Variants in EVC2 observed in about 807,000 individuals in gnomAD.
EVC2 encodes limbin.
In EVC2, 148 loss-of-function variants were observed where a neutral mutation model predicts 149.3. That is an observed-to-expected ratio of 0.99 (90% CI 0.87 to 1.14). The LOEUF (loss-of-function observed/expected upper bound fraction) is 1.14, where lower values mean the gene tolerates loss of function less well. EVC2 is among the 50% of genes most tolerant of loss of function. The probability of loss-of-function intolerance (pLI) is 0.00; values close to 1 mark genes in which losing one functional copy is unlikely to be tolerated. For synonymous variants in EVC2, 776 were observed against 649.9 expected (o/e 1.19, Z -2.95); for missense variants, 1,854 against 1,627.3 (o/e 1.14, Z -2.40).
intron 4 of EVC2, among the ~76,000 whole-genome samples, chr4:5,690,707 C>T: frequency 6.6e-6 from 1 of 152,178 alleles, no homozygotes; most frequent in East Asian, 1.9e-4. Context: ...GGAGAGACAG[C>T]CGGAAGCTCA....
chr4:5,628,530 C>A, intron 12 of EVC2, 29 bp downstream of exon 12: 1 of 1,613,128 alleles, frequency 6.2e-7, no homozygotes, highest in South Asian at 1.1e-5. Flanking sequence ...TAAGACAGTT[C>A]GCACTGTTGG....
chr4:5,702,435 G>A (rs1721883818), intron 1 of EVC2, among the ~76,000 whole-genome samples: 1 of 152,178 alleles, frequency 6.6e-6, no homozygotes, highest in South Asian at 2.1e-4. Flanking sequence ...GCATCTAGAA[G>A]GCCCTCAATA....
rs765973029 is a variant in EVC2 at position 5,685,449 on chromosome 4, G to C, written c.737C>G (p.Ala246Gly). The C allele has an allele frequency of 1.7e-5, 27 of 1,614,080 alleles. No individual in the cohort carries two copies. The East Asian group carries it at 6.0e-4, about 36-fold the overall frequency. ...CCCGAGGTCTCCAGCCTGGAGCGTG[G>C]CTGCGTAGCTGACAGCAAAGGCATC... Reference protein sequence around the residue: ...VGDAFAVSYAATLQAGDLGNG... With the variant: ...VGDAFAVSYAGTLQAGDLGNG... The change falls in exon 6 of 22, where the codon GCC (alanine) becomes GGC (glycine). Residue 246 changes from alanine to glycine, a missense_variant. Coordinates refer to ENST00000344408, the MANE Select transcript of EVC2 (RefSeq NM_147127.5).
intron 4 of EVC2, among the ~76,000 whole-genome samples, chr4:5,689,737 T>C (rs889311844): frequency 1.3e-5 from 2 of 152,224 alleles, no homozygotes; most frequent in Non-Finnish European, 2.9e-5. Context: ...CCAGGGTCTC[T>C]GATGGTCATG....
chr4:5,612,571 A>G (rs1446345664), intron 16 of EVC2, among the ~76,000 whole-genome samples: 2 of 152,178 alleles, frequency 1.3e-5, no homozygotes, highest in Non-Finnish European at 2.9e-5. Context: ...AGCCTGCTGC[A>G]TGTATCTATG....
chr4:5,672,136 C>G (rs1719685697), intron 7 of EVC2, among the ~76,000 whole-genome samples: 1 of 152,028 alleles, frequency 6.6e-6, no homozygotes. Context: ...GCCTGGAGAA[C>G]TGGGGGAGGG....
chr4:5,618,743 T>G lies in EVC2; in HGVS notation c.2502-61A>C. 1 of 1,489,078 alleles carries G rather than the reference T, an allele frequency of 6.7e-7. No individual in the cohort carries two copies. The highest frequency in any genetic ancestry group is 9.2e-7 in the Non-Finnish European group (1 of 1,090,376). The allele number at this position is 1,489,078 out of a possible 1,614,324, so 92.2% of individuals were successfully genotyped here. On this transcript the variant is annotated intron_variant, in intron 14 of 21. Transcript: ENST00000344408. This position sits in a 1 kb window ranked among gnomAD's most constrained non-coding sequence, Gnocchi z 4.4. Reference sequence around the variant, plus strand: ...AGAAAGCCTGGGGGCTGGGCTGGGGTGAAGAAGCCAGAGATGCAAAGCTCA... The same window carrying G: ...AGAAAGCCTGGGGGCTGGGCTGGGGGGAAGAAGCCAGAGATGCAAAGCTCA...
At chr4:5,660,644 T>A (rs931834477) in intron 9 of EVC2, among the ~76,000 whole-genome samples, 2 of 152,238 alleles carry the variant, frequency 1.3e-5, no homozygotes, top group Non-Finnish European at 2.9e-5. Flanking sequence ...GGTCTGCTAA[T>A]CTGACCAGGG....
intron 21 of EVC2, among the ~76,000 whole-genome samples, chr4:5,546,350 G>A (rs1175089196): frequency 4.6e-5 from 7 of 152,172 alleles, no homozygotes; most frequent in South Asian, 4.1e-4. Context: ...TTAAGGAAAC[G>A]TGGCACATAT....
intron 20 of EVC2, among the ~76,000 whole-genome samples, chr4:5,568,057 A>T (rs1177639697): frequency 1.3e-5 from 2 of 152,262 alleles, no homozygotes; most frequent in Admixed American, 6.5e-5. Context: ...TGCACAACAC[A>T]CTCACACATT....
the EVC2 span, among the ~76,000 whole-genome samples, chr4:5,537,649 C>T: frequency 6.6e-6 from 1 of 152,152 alleles, no homozygotes; most frequent in Admixed American, 6.5e-5. Context: ...CAGCCCCCAA[C>T]AAGTTAAAAT....
chr4:5,549,846 T>C (rs1330349738), intron 21 of EVC2, among the ~76,000 whole-genome samples: 1 of 152,188 alleles, frequency 6.6e-6, no homozygotes, highest in African/African-American at 2.4e-5. Context: ...CCACATGTTG[T>C]GGGAGGTAAT....
At chr4:5,629,574 C>G (rs116016841) in intron 11 of EVC2, among the ~76,000 whole-genome samples, 1 of 152,228 alleles carries the variant, frequency 6.6e-6, no homozygotes, top group African/African-American at 2.4e-5. Context: ...CAATGGATAA[C>G]CAAAAGTGTC....
At chr4:5,644,484 T>G (rs1717566750) in intron 9 of EVC2, among the ~76,000 whole-genome samples, 1 of 152,028 alleles carries the variant, frequency 6.6e-6, no homozygotes, top group South Asian at 2.1e-4. Context: ...TTTGCATTTT[T>G]AGTAGAGACG....
At chr4:5,619,660 A>G (rs1030807881) in intron 14 of EVC2, among the ~76,000 whole-genome samples, 6 of 152,152 alleles carry the variant, frequency 3.9e-5, no homozygotes, top group African/African-American at 1.4e-4. Flanking sequence ...GACATACATC[A>G]TTGCTGTTCC....
intron 16 of EVC2, among the ~76,000 whole-genome samples, chr4:5,593,861 C>T (rs959690754): frequency 1.3e-5 from 2 of 152,172 alleles, no homozygotes; most frequent in South Asian, 4.1e-4. Context: ...TGGGTCACTC[C>T]CACCCTAACA....
intron 1 of EVC2, among the ~76,000 whole-genome samples, chr4:5,706,191 A>C: frequency 6.6e-6 from 1 of 151,114 alleles, no homozygotes; most frequent in African/African-American, 2.4e-5. Context: ...ACCCTCTCTC[A>C]CGGCTCCCCA....
In EVC2 at chr4:5,686,540, A is replaced by C. The variant is rs1156351807; in HGVS notation, c.707-1061T>G. On this transcript the variant is annotated intron_variant, in intron 5 of 21. Coordinates refer to ENST00000344408, the MANE Select transcript of EVC2 (RefSeq NM_147127.5). This position sits in a 1 kb window ranked among gnomAD's most constrained non-coding sequence, Gnocchi z 5.4. Reference sequence around the variant, plus strand: ...ATCTCCACACACTGCCCCGAGATGGATGGAGAACACGTGATTTTCTGCAAC... The same window carrying C: ...ATCTCCACACACTGCCCCGAGATGGCTGGAGAACACGTGATTTTCTGCAAC... Among the ~76,000 whole-genome samples the C allele has an allele frequency of 1.3e-5, 2 of 152,122 alleles. No individual in the cohort carries two copies. The highest frequency in any genetic ancestry group is 3.9e-4 in the East Asian group (2 of 5,182).
intron 19 of EVC2, among the ~76,000 whole-genome samples, chr4:5,570,693 A>G (rs1722590514): frequency 6.6e-6 from 1 of 152,222 alleles, no homozygotes; most frequent in Non-Finnish European, 1.5e-5. Context: ...ACACATGGAC[A>G]TGCATGTTTA....
Sources: allele counts gnomAD v4.1 joint callset (sites outside exome capture counted in the v4.1 genomes callset), GRCh38; gene constraint gnomAD v4.1.1; non-coding constraint Gnocchi (gnomAD v3.1); transcripts MANE v1.5; gene names NCBI Gene and HGNC (gene_info 2026-07-23, HGNC 2026-07-21).